The following CUBN variants were observed in gnomAD, a reference collection of about 807,000 sequenced individuals.
CUBN encodes the protein 460 kDa receptor.
Under a neutral mutation model 405.3 loss-of-function variants are expected in CUBN, and 282 were observed. The observed-to-expected ratio is 0.70, with a 90% CI of 0.63 to 0.77. The LOEUF (loss-of-function observed/expected upper bound fraction) is 0.77. Ranked by LOEUF, CUBN falls within the 30% of genes least tolerant of loss-of-function variation. CUBN has a pLI of 0.00. For missense variants in CUBN, 4,514 were observed against 4,475.2 expected (o/e 1.01, Z -0.25); for synonymous variants, 1,684 against 1,617.0 (o/e 1.04, Z -0.99).
At chr10:16,922,297 T>G (rs1459315994) in intron 43 of CUBN, among the ~76,000 whole-genome samples, 1 of 152,090 alleles carries the variant, frequency 6.6e-6, no homozygotes, top group African/African-American at 2.4e-5. Context: ...CACATCCAAC[T>G]GACCGCCAAA....
At chr10:16,994,489 C>T (rs1321163951) in intron 28 of CUBN, among the ~76,000 whole-genome samples, 1 of 152,070 alleles carries the variant, frequency 6.6e-6, no homozygotes, top group Non-Finnish European at 1.5e-5. Flanking sequence ...CTGCCATTAC[C>T]AGTCATATTT....
intron 13 of CUBN, among the ~76,000 whole-genome samples, chr10:17,102,651 G>A (rs1372790499): frequency 7.0e-6 from 1 of 142,874 alleles, no homozygotes; most frequent in African/African-American, 2.7e-5. Flanking sequence ...CTGTTGGCCA[G>A]GCTGGAGTAC....
intron 14 of CUBN, among the ~76,000 whole-genome samples, chr10:17,097,275 C>T (rs530685248): frequency 1.1e-4 from 16 of 152,006 alleles, no homozygotes; most frequent in Middle Eastern, 3.4e-3. Flanking sequence ...ACAGAGCCTA[C>T]GAACACTAAA....
intron 28 of CUBN, among the ~76,000 whole-genome samples, chr10:17,002,838 G>A (rs1411213912): frequency 6.6e-6 from 1 of 152,186 alleles, no homozygotes; most frequent in Non-Finnish European, 1.5e-5. Context: ...TTAGAAATGA[G>A]CATCGTCCAT....
chr10:16,989,973 G>A (rs949012653), intron 29 of CUBN, among the ~76,000 whole-genome samples: 6 of 152,214 alleles, frequency 3.9e-5, no homozygotes, highest in East Asian at 1.9e-4. Flanking sequence ...CAGAGTTGGC[G>A]GACCAGTGCC....
rs1329999292 is a variant in CUBN at position 17,065,552 on chromosome 10, T to C, written c.3095A>G (p.Tyr1032Cys). The C allele has an allele frequency of 2.5e-6, 4 of 1,613,550 alleles. No homozygotes were observed. Among genetic ancestry groups the C allele is most frequent in the Non-Finnish European group, 3.4e-6 (4 of 1,179,652 alleles). ...TTCATAGTTTATTAAGAAGCCTTCA[T>C]AAGCGAGGTCGGAGTCAGTCACAAA... The part of the protein sequence containing the change: ...LVFVTDSDLA[Y>C]EGFLINYEAI... Residue 1032 changes from tyrosine (Y) to cysteine (C), a missense_variant, in exon 22 of 67, where the codon TAT becomes TGT. Transcript: ENST00000377833.
chr10:17,088,302 AG>A lies in CUBN; in HGVS notation c.1808del (p.Ser603PhefsTer19). On this transcript the variant is annotated frameshift_variant, in exon 15 of 67. Transcript: ENST00000377833. LOFTEE classifies it high-confidence loss of function. The stretch of plus-strand genomic sequence containing the variant: ...GGGGATAGTTTCCAGGATACCCCGG[AG>A]ACTTAATAGAACCGTAAGGACCAGT... ...ILTGPYGSIK[S>X]PGYPGNYPPG... is the part of the protein sequence containing the mutation. 6 of 1,613,604 alleles carry A rather than the reference AG, an allele frequency of 3.7e-6. No individual in the cohort carries two copies. The highest frequency in any genetic ancestry group is 5.1e-6 in the Non-Finnish European group (6 of 1,179,562).
At chr10:16,982,251 C>A (rs1440192800) in intron 31 of CUBN, among the ~76,000 whole-genome samples, 1 of 152,174 alleles carries the variant, frequency 6.6e-6, no homozygotes, top group Non-Finnish European at 1.5e-5. Context: ...AGCCAACAGG[C>A]TAATAATGGT....
intron 33 of CUBN, 119 bp from the exon 34 acceptor site, chr10:16,950,230 A>G (rs1842893057): frequency 5.7e-6 from 4 of 704,286 alleles, no homozygotes; most frequent in Middle Eastern, 2.4e-4. Context: ...AGGAATGAGT[A>G]AGACCTGTTT....
At chr10:16,984,951 G>C (rs1397805808) in intron 29 of CUBN, among the ~76,000 whole-genome samples, 1 of 152,086 alleles carries the variant, frequency 6.6e-6, no homozygotes, top group Non-Finnish European at 1.5e-5. Context: ...CTCCCAGCAC[G>C]CCCATGCCCA....
At chr10:16,915,384 G>A (rs1841854859) in intron 46 of CUBN, among the ~76,000 whole-genome samples, 1 of 152,168 alleles carries the variant, frequency 6.6e-6, no homozygotes, top group Non-Finnish European at 1.5e-5. Context: ...CCAATTAGGG[G>A]AAGGATATCT....
At chr10:16,950,676 ACGGAATAGATG>A (rs1842901560) in intron 33 of CUBN, among the ~76,000 whole-genome samples, 1 of 152,196 alleles carries the variant, frequency 6.6e-6, no homozygotes, top group African/African-American at 2.4e-5. Context: ...TTGAAGAGTA[ACGGAATAGATG>A]CTTTTGAAAC....
chr10:16,889,394 G>A (rs1840924806), intron 55 of CUBN, among the ~76,000 whole-genome samples: 1 of 152,132 alleles, frequency 6.6e-6, no homozygotes, highest in African/African-American at 2.4e-5. Flanking sequence ...CTAAACAGTG[G>A]TTTGCCATGA....
chr10:17,104,438 G>C lies in CUBN; in HGVS notation c.1398C>G (p.Leu466=). 2 of 1,614,024 alleles carry C rather than the reference G, an allele frequency of 1.2e-6. No homozygotes were observed. Among genetic ancestry groups the C allele is most frequent in the Non-Finnish European group, 1.7e-6 (2 of 1,179,976 alleles). Residue 466 remains leucine (L), a synonymous_variant, in exon 12 of 67, where the codon CTC becomes CTG. Coordinates refer to ENST00000377833, the MANE Select transcript of CUBN (RefSeq NM_001081.4). The part of the protein sequence containing the change: ...CECTRLWTGA[L]CQVPQQVCGE... ...CTGTACCTTGCTGAGGAACCTGACA[G>C]AGAGCTCCAGTCCAGAGACGTGTGC...
intron 34 of CUBN, among the ~76,000 whole-genome samples, chr10:16,949,551 A>G (rs7916040): frequency 0.51 from 76,661 of 151,180 alleles, 19,667 homozygotes; most frequent in Non-Finnish European, 0.54. Flanking sequence ...TGTCTAACAA[A>G]CAAAAAGACA....
Position 16,935,110 on chromosome 10 carries a change from C to G in CUBN, c.5927-1826G>C, listed in dbSNP as rs992159442. On this transcript the variant is annotated intron_variant, in intron 39 of 66. Transcript: ENST00000377833. ...TACCCATTTAATTACGATACCATTA[C>G]TTAACTCACATATGAGTGTTTTTTC... Among the ~76,000 whole-genome samples, 3 of 148,774 alleles carry G rather than the reference C, an allele frequency of 2.0e-5. No individual in the cohort carries two copies. The East Asian group carries it at 5.8e-4, about 29-fold the overall frequency.
intron 53 of CUBN, among the ~76,000 whole-genome samples, chr10:16,899,739 ATGAAGT>A (rs2131418513): frequency 6.6e-6 from 1 of 152,362 alleles, no homozygotes; most frequent in East Asian, 1.9e-4. Flanking sequence ...ACAAAACAAA[ATGAAGT>A]TAAAGAGGCA....
intron 31 of CUBN, among the ~76,000 whole-genome samples, chr10:16,963,143 G>A (rs1029365919): frequency 5.6e-5 from 8 of 143,782 alleles, no homozygotes; most frequent in African/African-American, 5.2e-5. Flanking sequence ...TTCTCATTTC[G>A]TTCCAGAAAT....
intron 28 of CUBN, among the ~76,000 whole-genome samples, chr10:17,007,349 AT>A: frequency 6.6e-6 from 1 of 152,126 alleles, no homozygotes; most frequent in Non-Finnish European, 1.5e-5. Flanking sequence ...AGGCCCTGCA[AT>A]GTTACTTTGT....
Sources: gnomAD v4.1 joint callset for allele counts (sites outside exome capture counted in the v4.1 genomes callset) on GRCh38, gnomAD v4.1.1 for gene constraint, MANE v1.5 for transcripts, NCBI Gene and HGNC (gene_info 2026-07-23, HGNC 2026-07-21) for gene names.